Variants in INVS observed in about 807,000 individuals in gnomAD.
INVS encodes the protein inversion of embryo turning homolog.
In INVS, 86 loss-of-function variants were observed where a neutral mutation model predicts 108.8. The observed-to-expected ratio is 0.79, with a 90% CI of 0.66 to 0.95. The LOEUF is 0.95. Ranked by LOEUF, INVS falls within the 40% of genes least tolerant of loss-of-function variation. The pLI is 0.00. For synonymous variants in INVS, 455 were observed against 473.5 expected (o/e 0.96, Z 0.51); for missense variants, 1,169 against 1,297.4 (o/e 0.90, Z 1.52).
At chr9:100,160,428 C>A (rs746759478) in intron 3 of INVS, among the ~76,000 whole-genome samples, 18 of 152,130 alleles carry the variant, frequency 1.2e-4, no homozygotes, top group Non-Finnish European at 2.5e-4. Flanking sequence ...GACTGTCTTC[C>A]CAAACAGCAT....
At chr9:100,144,310 G>A (rs568572096) in intron 3 of INVS, among the ~76,000 whole-genome samples, 86 of 152,276 alleles carry the variant, frequency 5.6e-4, no homozygotes, top group African/African-American at 1.8e-3. Flanking sequence ...CCTTGAAGGC[G>A]AGGTTAATTA....
At chr9:100,243,387 G>GT (rs1178897938) in intron 7 of INVS, among the ~76,000 whole-genome samples, 1 of 152,158 alleles carries the variant, frequency 6.6e-6, no homozygotes, top group East Asian at 1.9e-4. Flanking sequence ...AGTGCCTGCT[G>GT]TATACCTTAG....
chr9:100,171,840 A>G (rs913790222), intron 3 of INVS, among the ~76,000 whole-genome samples: 2 of 152,152 alleles, frequency 1.3e-5, no homozygotes, highest in African/African-American at 4.8e-5. Flanking sequence ...CATTGGCAAA[A>G]GCATTGGACT....
chr9:100,285,185 G>A (rs1374642720), intron 13 of INVS, among the ~76,000 whole-genome samples: 1 of 152,152 alleles, frequency 6.6e-6, no homozygotes, highest in South Asian at 2.1e-4. Flanking sequence ...GAATCATTAA[G>A]CCAGATATAG....
At chr9:100,144,664 G>T (rs1377581204) in intron 3 of INVS, among the ~76,000 whole-genome samples, 1 of 152,286 alleles carries the variant, frequency 6.6e-6, no homozygotes, top group East Asian at 1.9e-4. Flanking sequence ...CTGTAAGCCA[G>T]ACTGGGTGTG....
At chr9:100,184,085 A>G (rs1253853876) in intron 3 of INVS, among the ~76,000 whole-genome samples, 1 of 152,188 alleles carries the variant, frequency 6.6e-6, no homozygotes, top group Non-Finnish European at 1.5e-5. Context: ...ATGAACTATA[A>G]TACTTGGAGG....
chr9:100,170,161 TG>T (rs1390995121), intron 3 of INVS, among the ~76,000 whole-genome samples: 4 of 152,218 alleles, frequency 2.6e-5, no homozygotes, highest in Non-Finnish European at 4.4e-5. Flanking sequence ...CAATTATTTG[TG>T]ATTACAGAAA....
chr9:100,170,707 T>A (rs1283652768), intron 3 of INVS, among the ~76,000 whole-genome samples: 1 of 152,122 alleles, frequency 6.6e-6, no homozygotes, highest in Non-Finnish European at 1.5e-5. Flanking sequence ...TAAACAAAAT[T>A]GTTGCTCTTG....
At chr9:100,127,346 C>T (rs1827919035) in intron 3 of INVS, among the ~76,000 whole-genome samples, 2 of 152,070 alleles carry the variant, frequency 1.3e-5, no homozygotes, top group Middle Eastern at 3.4e-3. Flanking sequence ...TTAATGATTT[C>T]ACATTTTTAA....
chr9:100,245,287 T>C (rs1414611501), intron 7 of INVS, among the ~76,000 whole-genome samples: 2 of 152,160 alleles, frequency 1.3e-5, no homozygotes, highest in African/African-American at 4.8e-5. Flanking sequence ...GTTTTGTTTT[T>C]GTTTTTGTTT....
intron 5 of INVS, among the ~76,000 whole-genome samples, chr9:100,232,895 G>A (rs1184598358): frequency 6.6e-6 from 1 of 152,108 alleles, no homozygotes; most frequent in African/African-American, 2.4e-5. Context: ...TGTGAAGAAA[G>A]TCAATGGTAG....
chr9:100,155,618 G>A (rs1006773835), intron 3 of INVS, among the ~76,000 whole-genome samples: 7 of 152,190 alleles, frequency 4.6e-5, no homozygotes, highest in African/African-American at 9.6e-5. Context: ...GATTATAGGC[G>A]TCAGCCACTG....
At position 100,300,646 on chromosome 9, in the gene INVS, C is replaced by T. The variant is rs1833939083; in HGVS notation, c.3170C>T (p.Thr1057Ile). Residue 1057 changes from threonine (T) to isoleucine (I), a missense_variant, in exon 17 of 17, where the codon ACT (threonine) becomes ATT (isoleucine). Transcript: ENST00000262457. ...TTTTCTTATAACCTGCAATCAGCTACTCAGCCAAAAAACAAAACAAAACCT... is the reference window on the plus strand; with the variant it reads ...TTTTCTTATAACCTGCAATCAGCTATTCAGCCAAAAAACAAAACAAAACCT... The part of the protein sequence containing the change: ...KNFSYNLQSA[T>I]QPKNKTKP 2 of 1,613,736 alleles carry T rather than the reference C, an allele frequency of 1.2e-6. No homozygotes were observed. The highest frequency in any genetic ancestry group is 1.7e-6 in the Non-Finnish European group (2 of 1,179,740).
chr9:100,126,785 T>C (rs1390490971), intron 3 of INVS, among the ~76,000 whole-genome samples: 2 of 152,064 alleles, frequency 1.3e-5, no homozygotes, highest in Non-Finnish European at 2.9e-5. Context: ...TAAAGTTTAT[T>C]GGGAAAAAAG....
chr9:100,190,134 T>C (rs1408252627), intron 3 of INVS, among the ~76,000 whole-genome samples: 1 of 152,172 alleles, frequency 6.6e-6, no homozygotes, highest in African/African-American at 2.4e-5. Flanking sequence ...ATAATGACTT[T>C]CTTTGTCTTT....
intron 8 of INVS, among the ~76,000 whole-genome samples, chr9:100,252,040 G>C (rs1175215317): frequency 6.6e-6 from 1 of 152,124 alleles, no homozygotes; most frequent in East Asian, 1.9e-4. Flanking sequence ...CAGACCAACA[G>C]GATGGAAAGG....
chr9:100,158,102 T>C (rs1055351432), intron 3 of INVS, among the ~76,000 whole-genome samples: 3 of 152,222 alleles, frequency 2.0e-5, no homozygotes, highest in African/African-American at 7.2e-5. Context: ...GTATTGCTTT[T>C]ATTTGGGAAG....
At chr9:100,167,858 ATT>A (rs906919051) in intron 3 of INVS, among the ~76,000 whole-genome samples, 2 of 152,142 alleles carry the variant, frequency 1.3e-5, no homozygotes, top group African/African-American at 4.8e-5. Flanking sequence ...TGATGCATAT[ATT>A]GTGGGCAAAA....
At chr9:100,205,511 G>A (rs542355646) in intron 3 of INVS, among the ~76,000 whole-genome samples, 3 of 152,106 alleles carry the variant, frequency 2.0e-5, no homozygotes, top group Non-Finnish European at 4.4e-5. Context: ...GGTTATTGAT[G>A]AGAAGAAGGT....
Sources: gnomAD v4.1 joint callset for allele counts (sites outside exome capture counted in the v4.1 genomes callset) on GRCh38, gnomAD v4.1.1 for gene constraint, MANE v1.5 for transcripts, NCBI Gene and HGNC (gene_info 2026-07-23, HGNC 2026-07-21) for gene names.